BTBD8: variants seen among roughly 807,000 people sequenced by gnomAD.
BTBD8 encodes the protein BTB domain containing 8.
Under a neutral mutation model 162.9 loss-of-function variants are expected in BTBD8, and 110 were observed. That is an observed-to-expected ratio of 0.68 (90% confidence interval 0.58 to 0.79). The LOEUF is 0.79. Among genes scored for constraint, BTBD8 ranks in the 30% least tolerant of loss-of-function variants. The probability of loss-of-function intolerance (pLI) is 0.00; values close to 1 mark genes in which losing one functional copy is unlikely to be tolerated. For missense variants in BTBD8, 1,905 were observed against 2,085.4 expected, an observed-to-expected ratio of 0.91 and a Z score of 1.68; for synonymous variants, 667 against 716.1, an observed-to-expected ratio of 0.93 and a Z score of 1.10.
chr1:92,147,687 G>T lies in BTBD8; in HGVS notation c.1023G>T (p.Trp341Cys), dbSNP rs150938488. 5.6e-6 allele frequency: 9 copies of T among 1,601,204 alleles called. No individual in the cohort carries two copies. In the African/African-American group the frequency reaches 1.2e-4, roughly 22 times the overall value. ...TGGTATTCTTTTATTTTAACAGGTG[G>T]ATTGTAAAGCATTTTGCAAGGTTTT... ...VESLFADCMKWIVKHFARFWS... is the reference protein window; with the variant it reads ...VESLFADCMKCIVKHFARFWS... Residue 341 changes from tryptophan (W) to cysteine (C), a missense_variant, in exon 9 of 18, where the codon TGG becomes TGT. Physicochemically the swap from Trp to Cys is radical, Grantham distance 215. Around this residue, in one of 3 missense-constraint regions of BTBD8, gnomAD observed 1,374 missense variants for 1,442.7 expected, o/e 0.95. Transcript: ENST00000636805.
At chr1:92,161,834 T>G (rs1243798267) in intron 9 of BTBD8, among the ~76,000 whole-genome samples, 2 of 152,236 alleles carry the variant, frequency 1.3e-5, no homozygotes, top group African/African-American at 4.8e-5. Context: ...TGTTTTTTGT[T>G]TGTTTGTTTT....
At chr1:92,138,714 C>T (rs1649692447) in intron 5 of BTBD8, among the ~76,000 whole-genome samples, 1 of 152,136 alleles carries the variant, frequency 6.6e-6, no homozygotes, top group South Asian at 2.1e-4. Flanking sequence ...ATGCAAGACG[C>T]TATGTAGCAG....
At chr1:92,111,880 T>C (rs1295986265) in intron 4 of BTBD8, among the ~76,000 whole-genome samples, 6 of 152,142 alleles carry the variant, frequency 3.9e-5, no homozygotes, top group Non-Finnish European at 8.8e-5. Flanking sequence ...CCTGTTTTTG[T>C]ATGAGGCAAC....
At chr1:92,153,550 A>AC (rs1650094486) in intron 9 of BTBD8, among the ~76,000 whole-genome samples, 1 of 152,152 alleles carries the variant, frequency 6.6e-6, no homozygotes, top group African/African-American at 2.4e-5. Context: ...GCTCCTGGCA[A>AC]CCACCATTCC....
Position 92,176,893 on chromosome 1 carries a change from AAG to A in BTBD8, c.1703_1704del (p.Glu568ValfsTer8), listed in dbSNP as rs1570759672. The A allele has an allele frequency of 2.0e-6, 3 of 1,507,160 alleles. No homozygotes were observed. Among genetic ancestry groups the A allele is most frequent in the Middle Eastern group, 1.7e-4 (1 of 5,756 alleles). The allele number at this position is 1,507,160 out of a possible 1,614,324, so 93.4% of individuals were successfully genotyped here. A position where few individuals can be genotyped will look rare whatever the true frequency, so the allele number is the denominator to read the frequency against. On this transcript the variant is annotated frameshift_variant, in exon 14 of 18. Coordinates refer to ENST00000636805, the MANE Select transcript of BTBD8 (RefSeq NM_001376131.1). LOFTEE classifies it high-confidence loss of function. ...AAATCTTGGAGGGGAAATAACAAGA[AAG>A]AGTGTTGGAGTTATCTCTCTACTAA...
rs185968621 is a variant in BTBD8 at position 92,156,435 on chromosome 1, T to C, written c.1122+8649T>C. On this transcript the variant is annotated intron_variant, in intron 9 of 17. Coordinates refer to ENST00000636805, the MANE Select transcript of BTBD8 (RefSeq NM_001376131.1). ...TGGTGTCAGAGTAGTGCTGGCCTTG[T>C]AAAATGAGGGAAATATTCCCTCCTC... Among the ~76,000 whole-genome samples, 370 of 152,304 alleles carry C rather than the reference T, an allele frequency of 2.4e-3. 5 individuals carry two copies. The highest frequency in any genetic ancestry group is 0.01 in the Middle Eastern group (3 of 294).
intron 1 of BTBD8, among the ~76,000 whole-genome samples, chr1:92,085,694 C>T (rs1648140451): frequency 6.6e-6 from 1 of 152,128 alleles, no homozygotes; most frequent in Non-Finnish European, 1.5e-5. Context: ...CACGCAACTG[C>T]ACTCCAGCCT....
chr1:92,119,893 C>CTTTTTT (rs58297367), intron 4 of BTBD8, among the ~76,000 whole-genome samples: 786 of 58,436 alleles, frequency 0.013, 4 homozygotes, highest in Non-Finnish European at 0.018. Flanking sequence ...CGGCCCTTTT[C>CTTTTTT]TTTTTTTTTT....
rs1650723780 is a variant in BTBD8, at chr1:92,176,813, T to A, written c.1636-16T>A. 1 of 1,210,502 alleles carries A rather than the reference T, an allele frequency of 8.3e-7. No homozygotes were observed. The highest frequency in any genetic ancestry group is 1.1e-6 in the Non-Finnish European group (1 of 904,328). The allele number at this position is 1,210,502 out of a possible 1,614,324, so 75.0% of individuals were successfully genotyped here. A position where few individuals can be genotyped will look rare whatever the true frequency, so the allele number is the denominator to read the frequency against. On this transcript the variant is annotated splice_polypyrimidine_tract_variant and intron_variant, in intron 13 of 17. Transcript: ENST00000636805. ...ATTTCAGTCAAATTACAAAGTATTT[T>A]TTTTCTTTTTTATAGCAAAGGAAAC...
intron 9 of BTBD8, among the ~76,000 whole-genome samples, chr1:92,151,352 C>CAAAAA (rs11406119): frequency 7.8e-6 from 1 of 127,966 alleles, no homozygotes; most frequent in Non-Finnish European, 1.6e-5. Context: ...GAAACTGTCT[C>CAAAAA]AAAAAAAAAA....
At chr1:92,175,534 CCTGTGA>C (rs1370914549) in intron 13 of BTBD8, among the ~76,000 whole-genome samples, 9 of 147,704 alleles carry the variant, frequency 6.1e-5, no homozygotes, top group Non-Finnish European at 1.3e-4. Flanking sequence ...GTGGCTCATG[CCTGTGA>C]TCCTAGCACT....
chr1:92,119,294 T>C (rs988590736), intron 4 of BTBD8, among the ~76,000 whole-genome samples: 1 of 148,770 alleles, frequency 6.7e-6, no homozygotes, highest in South Asian at 2.1e-4. Context: ...TTTCTTTTTT[T>C]TTTTTTTTTG....
Position 92,127,550 on chromosome 1 carries a change from GTTTTTGTT to G in BTBD8, c.663-2135_663-2128del, listed in dbSNP as rs547401587. 2.8e-3 allele frequency among the ~76,000 whole-genome samples: 278 copies of G among 98,986 alleles called. 3 individuals carry two copies. Among genetic ancestry groups the G allele is most frequent in the African/African-American group, 0.011 (246 of 22,106 alleles). 64.9% of individuals were successfully genotyped at this position (98,986 alleles called of 152,430 possible). A position where few individuals can be genotyped will look rare whatever the true frequency, so the allele number is the denominator to read the frequency against. On this transcript the variant is annotated intron_variant, in intron 4 of 17. Transcript: ENST00000636805. Reference sequence around the variant, plus strand: ...TTCACTGGGACATGAGATTTTGGAAGTTTTTGTTTGTTTGTTTGTTTGTTTGTTTGTTT... The same window carrying G: ...TTCACTGGGACATGAGATTTTGGAAGTGTTTGTTTGTTTGTTTGTTTGTTT...
At position 92,176,860 on chromosome 1, in the gene BTBD8, T is replaced by G. The variant is rs1240152215; in HGVS notation, c.1667T>G (p.Ile556Arg). The G allele has an allele frequency of 6.8e-7, 1 of 1,467,308 alleles. No individual in the cohort carries two copies. Among genetic ancestry groups the G allele is most frequent in the African/African-American group, 1.4e-5 (1 of 69,870 alleles). 90.9% of individuals were successfully genotyped at this position (1,467,308 alleles called of 1,614,324 possible). A position where few individuals can be genotyped will look rare whatever the true frequency, so the allele number is the denominator to read the frequency against. Residue 556 changes from isoleucine (I) to arginine (R), a missense_variant, in exon 14 of 18, where the codon ATA becomes AGA. This residue lies in a region of BTBD8 where 1,374 missense variants were observed against 1,442.7 expected (regional missense o/e 0.95). Transcript: ENST00000636805. ...AAACAAGTTTCTGACTCTGGTGATA[T>G]AAAAATCAAATCTTGGAGGGGAAAT... ...QRKQVSDSGD[I>R]KIKSWRGNNK... is the part of the protein sequence containing the mutation.
chr1:92,161,649 T>G (rs1436895290), intron 9 of BTBD8, among the ~76,000 whole-genome samples: 2 of 152,232 alleles, frequency 1.3e-5, no homozygotes, highest in African/African-American at 4.8e-5. Flanking sequence ...GAAGTGGACG[T>G]GAGAACTACC....
chr1:92,131,238 A>G (rs1649507679), intron 5 of BTBD8, among the ~76,000 whole-genome samples: 2 of 152,220 alleles, frequency 1.3e-5, no homozygotes, highest in Admixed American at 1.3e-4. Context: ...GTGTATAAAG[A>G]GAAATTAAAC....
intron 9 of BTBD8, among the ~76,000 whole-genome samples, chr1:92,165,456 A>G (rs534718292): frequency 3.3e-5 from 5 of 152,330 alleles, no homozygotes; most frequent in African/African-American, 1.2e-4. Context: ...GTATAAAAGA[A>G]ATCTGATGTA....
At chr1:92,139,225 GTA>G in intron 5 of BTBD8, 123 bp from the exon 6 acceptor site, 1 of 965,006 alleles carries the variant, frequency 1.0e-6, no homozygotes, top group Non-Finnish European at 1.5e-6. Flanking sequence ...TATTTGAAGA[GTA>G]TATTCTTCAG....
chr1:92,091,338 CA>C (rs761481394), intron 2 of BTBD8, among the ~76,000 whole-genome samples: 1 of 152,182 alleles, frequency 6.6e-6, no homozygotes, highest in Non-Finnish European at 1.5e-5. Flanking sequence ...GCTATGCTTC[CA>C]TGCCTTCCTG....
Sources: allele counts gnomAD v4.1 joint callset (sites outside exome capture counted in the v4.1 genomes callset), GRCh38; gene constraint gnomAD v4.1.1; regional missense constraint gnomAD v4.1.1; transcripts MANE v1.5; gene names NCBI Gene and HGNC (gene_info 2026-07-23, HGNC 2026-07-21).